The following RGS17 variants were observed in gnomAD, a reference collection of about 807,000 sequenced individuals.
RGS17 encodes the protein regulator of G-protein signaling 17.
A neutral mutation model predicts 25.5 loss-of-function variants in RGS17; 12 were observed. The ratio of observed to expected loss-of-function variants is 0.47; its 90% CI spans 0.30 to 0.76. The LOEUF (loss-of-function observed/expected upper bound fraction) is 0.76. Among genes scored for constraint, RGS17 ranks in the 30% least tolerant of loss-of-function variants. The probability of loss-of-function intolerance (pLI) is 0.07; values close to 1 mark genes in which losing one functional copy is unlikely to be tolerated. For missense variants in RGS17, 196 were observed against 242.2 expected (o/e 0.81, Z 1.27); for synonymous variants, 71 against 76.9 (o/e 0.92, Z 0.40).
At chr6:153,077,608 T>C (rs1039090080) in intron 1 of RGS17, among the ~76,000 whole-genome samples, 3 of 152,154 alleles carry the variant, frequency 2.0e-5, no homozygotes, top group African/African-American at 7.2e-5. Flanking sequence ...GGAAGAAAAT[T>C]ATCATTGACA....
At chr6:153,080,093 T>C (rs1274343872) in intron 1 of RGS17, among the ~76,000 whole-genome samples, 1 of 152,190 alleles carries the variant, frequency 6.6e-6, no homozygotes, top group Non-Finnish European at 1.5e-5. Context: ...GTGATTCTCC[T>C]GACTCAGCCT....
intron 1 of RGS17, among the ~76,000 whole-genome samples, chr6:153,056,859 T>C (rs1320708227): frequency 6.6e-6 from 1 of 151,462 alleles, no homozygotes; most frequent in Non-Finnish European, 1.5e-5. Context: ...TGTGTGTGTG[T>C]GTGTGTGTGT....
At chr6:153,123,855 A>T (rs985498038) in intron 1 of RGS17, among the ~76,000 whole-genome samples, 4 of 152,198 alleles carry the variant, frequency 2.6e-5, no homozygotes, top group African/African-American at 9.7e-5. Flanking sequence ...GGTAGCCTAC[A>T]AGTGAGAGGG....
intron 4 of RGS17, among the ~76,000 whole-genome samples, chr6:153,020,138 A>ATTT (rs35590788): frequency 2.5e-5 from 1 of 39,284 alleles, no homozygotes; most frequent in African/African-American, 1.2e-4. Flanking sequence ...ATATATATAT[A>ATTT]TTTTTTTTTT....
At chr6:153,100,410 C>A (rs11155895) in intron 1 of RGS17, among the ~76,000 whole-genome samples, 65,097 of 151,880 alleles carry the variant, frequency 0.43, 14,655 homozygotes, top group East Asian at 0.84. Context: ...AATGTTAGAA[C>A]TGGAATTAGA....
intron 2 of RGS17, among the ~76,000 whole-genome samples, chr6:153,043,487 T>TAAAAAAAAA (rs766892546): frequency 7.4e-6 from 1 of 135,492 alleles, no homozygotes. Context: ...AGCAGAGAAC[T>TAAAAAAAAA]AAAAAAAAAA....
intron 2 of RGS17, among the ~76,000 whole-genome samples, chr6:153,031,068 A>G (rs553588128): frequency 1.3e-5 from 2 of 152,346 alleles, no homozygotes; most frequent in East Asian, 3.9e-4. Context: ...CAGGGGCACA[A>G]TACAAATGTA....
intron 1 of RGS17, among the ~76,000 whole-genome samples, chr6:153,059,322 A>G (rs1182099323): frequency 6.6e-6 from 1 of 152,196 alleles, no homozygotes; most frequent in Non-Finnish European, 1.5e-5. Flanking sequence ...TGACAGAGGC[A>G]CCTTGTGTAG....
intron 1 of RGS17, among the ~76,000 whole-genome samples, chr6:153,065,589 A>C (rs1776696118): frequency 6.6e-6 from 1 of 152,186 alleles, no homozygotes; most frequent in African/African-American, 2.4e-5. Flanking sequence ...ATCTTTTCTG[A>C]TCTCAATGAA....
intron 4 of RGS17, among the ~76,000 whole-genome samples, chr6:153,023,603 T>C (rs1779268443): frequency 6.6e-6 from 1 of 152,236 alleles, no homozygotes; most frequent in Non-Finnish European, 1.5e-5. Flanking sequence ...ATTTTGGCAA[T>C]GGGAAAGACA....
At chr6:153,027,441 T>G (rs562986646) in intron 2 of RGS17, among the ~76,000 whole-genome samples, 1 of 151,906 alleles carries the variant, frequency 6.6e-6, no homozygotes, top group South Asian at 2.1e-4. Context: ...TCGGGAAAAT[T>G]TGAGCTCCCA....
At chr6:153,103,188 T>G (rs1468491341) in intron 1 of RGS17, among the ~76,000 whole-genome samples, 4 of 152,240 alleles carry the variant, frequency 2.6e-5, no homozygotes, top group African/African-American at 9.6e-5. Flanking sequence ...AGTAATGACC[T>G]GCTGCTGGAC....
intron 1 of RGS17, among the ~76,000 whole-genome samples, chr6:153,123,105 G>T (rs1315858283): frequency 1.0e-5 from 1 of 100,320 alleles, no homozygotes; most frequent in Non-Finnish European, 2.1e-5. Context: ...ATAATAGTTT[G>T]TAAATTATAT....
chr6:153,073,611 A>G (rs1375477402), intron 1 of RGS17, among the ~76,000 whole-genome samples: 2 of 152,188 alleles, frequency 1.3e-5, no homozygotes, highest in African/African-American at 2.4e-5. Context: ...AAGGAGAGAA[A>G]GTAGTTAACA....
At chr6:153,085,331 T>G (rs1168320932) in intron 1 of RGS17, among the ~76,000 whole-genome samples, 1 of 152,156 alleles carries the variant, frequency 6.6e-6, no homozygotes, top group Non-Finnish European at 1.5e-5. Flanking sequence ...CACATCCTCC[T>G]CACGCAGAGA....
At chr6:153,081,632 C>T (rs78760141) in intron 1 of RGS17, among the ~76,000 whole-genome samples, 2 of 142 alleles carry the variant, frequency 0.014, no homozygotes, top group Non-Finnish European at 0.021. Flanking sequence ...TTCTTTTTTT[C>T]CCCCTCTTTT....
chr6:153,128,209 T>C (rs1301018200), intron 1 of RGS17, among the ~76,000 whole-genome samples: 1 of 152,250 alleles, frequency 6.6e-6, no homozygotes, highest in Non-Finnish European at 1.5e-5. Flanking sequence ...CCACAATGCA[T>C]TCACACTTAC....
At chr6:153,051,052 C>A (rs1254532982) in intron 1 of RGS17, among the ~76,000 whole-genome samples, 1 of 152,206 alleles carries the variant, frequency 6.6e-6, no homozygotes, top group Non-Finnish European at 1.5e-5. Context: ...CAGGCCCTCA[C>A]CAGACACCAA....
chr6:153,118,909 A>T (rs1435835167), intron 1 of RGS17, among the ~76,000 whole-genome samples: 1 of 152,060 alleles, frequency 6.6e-6, no homozygotes, highest in Non-Finnish European at 1.5e-5. Flanking sequence ...AAATCTCCAC[A>T]TCCTCGGTTT....
Sources: allele counts gnomAD v4.1 joint callset (sites outside exome capture counted in the v4.1 genomes callset), GRCh38; gene constraint gnomAD v4.1.1; transcripts MANE v1.5; gene names NCBI Gene and HGNC (gene_info 2026-07-23, HGNC 2026-07-21).